CSMD3: variants seen among roughly 807,000 people sequenced by gnomAD.
The protein encoded by CSMD3 is CUB and Sushi multiple domains 3.
CSMD3 carries 177 observed loss-of-function variants against 435.2 expected under a neutral mutation model. The ratio of observed to expected loss-of-function variants is 0.41; its 90% CI spans 0.36 to 0.46. The LOEUF (loss-of-function observed/expected upper bound fraction) is 0.46, where lower values mean the gene tolerates loss of function less well. CSMD3 is among the 20% of genes least tolerant of loss of function. The pLI, the probability that CSMD3 is intolerant of heterozygous loss-of-function variation, is 0.34. For synonymous variants in CSMD3, 1,656 were observed against 1,520.5 expected (o/e 1.09, Z -2.07); for missense variants, 4,265 against 4,504.6 (o/e 0.95, Z 1.52).
chr8:112,657,568 AT>A (rs1403177765), intron 17 of CSMD3, among the ~76,000 whole-genome samples: 4 of 152,182 alleles, frequency 2.6e-5, no homozygotes, highest in Non-Finnish European at 5.9e-5. Context: ...TATAACATCT[AT>A]TTTAAAAAAA....
intron 13 of CSMD3, among the ~76,000 whole-genome samples, chr8:112,798,227 G>A (rs1487319949): frequency 6.6e-6 from 1 of 151,822 alleles, no homozygotes; most frequent in Non-Finnish European, 1.5e-5. Flanking sequence ...AAGAAGCAGA[G>A]TTGTGAAACA....
At chr8:112,788,293 C>T (rs564130349) in intron 13 of CSMD3, among the ~76,000 whole-genome samples, 1 of 152,162 alleles carries the variant, frequency 6.6e-6, no homozygotes, top group Admixed American at 6.6e-5. Context: ...ATGCCTTTTA[C>T]ACCAAATCAT....
At chr8:112,441,241 T>C (rs1480125788) in intron 32 of CSMD3, among the ~76,000 whole-genome samples, 1 of 152,076 alleles carries the variant, frequency 6.6e-6, no homozygotes, top group Non-Finnish European at 1.5e-5. Context: ...AGAGTCACCT[T>C]TGCTCCCGTT....
intron 6 of CSMD3, among the ~76,000 whole-genome samples, chr8:112,999,481 C>A (rs967514255): frequency 6.6e-6 from 1 of 151,708 alleles, no homozygotes; most frequent in African/African-American, 2.4e-5. Context: ...GTTAGTAAAC[C>A]ATGTAAGTAA....
At position 112,587,169 on chromosome 8, in the gene CSMD3, T is replaced by C; in HGVS notation, c.3782A>G (p.Tyr1261Cys). The C allele has an allele frequency of 6.2e-7, 1 of 1,610,188 alleles. No homozygotes were observed. Among genetic ancestry groups the C allele is most frequent in the Non-Finnish European group, 8.5e-7 (1 of 1,177,074 alleles). Residue 1261 changes from tyrosine to cysteine, a missense_variant, in exon 23 of 71, where the codon TAT (tyrosine) becomes TGT (cysteine). Coordinates refer to ENST00000297405, the MANE Select transcript of CSMD3 (RefSeq NM_198123.2). Reference sequence around the variant, plus strand: ...ATAAATGCATTCATGGTTGTTTTCATAGTTGAGTGGATAATTTGGAGACAG... The same window carrying C: ...ATAAATGCATTCATGGTTGTTTTCACAGTTGAGTGGATAATTTGGAGACAG... ...ILLSPNYPLN[Y>C]ENNHECIYSI...
At chr8:113,312,339 G>GA (rs1248138457) in intron 2 of CSMD3, 33 of 152,240 alleles carry the variant, frequency 2.2e-4, no homozygotes, top group African/African-American at 7.9e-4. Context: ...ATAGCACAGT[G>GA]ACAGGTGCAG....
At chr8:113,430,900 A>T (rs116701670) in intron 1 of CSMD3, among the ~76,000 whole-genome samples, 5,292 of 152,282 alleles carry the variant, frequency 0.035, 105 homozygotes, top group Middle Eastern at 0.048. Context: ...AGCACCAAAC[A>T]ACAGCTTAGC....
At chr8:113,380,254 C>A (rs2094409357) in intron 1 of CSMD3, among the ~76,000 whole-genome samples, 1 of 152,034 alleles carries the variant, frequency 6.6e-6, no homozygotes, top group African/African-American at 2.4e-5. Flanking sequence ...ACAGGTTTAT[C>A]TTATAACATT....
chr8:113,298,704 GAGAGACT>G (rs1475640082), intron 2 of CSMD3, among the ~76,000 whole-genome samples: 2 of 152,092 alleles, frequency 1.3e-5, no homozygotes, highest in Non-Finnish European at 2.9e-5. Flanking sequence ...GGAGAGCTTG[GAGAGACT>G]AGTTACATGT....
intron 22 of CSMD3, among the ~76,000 whole-genome samples, chr8:112,618,830 T>C (rs1833850914): frequency 6.6e-6 from 1 of 152,144 alleles, no homozygotes; most frequent in Non-Finnish European, 1.5e-5. Context: ...TATTCATGAT[T>C]AAGTTAACTC....
chr8:112,722,313 C>T (rs2131973767), intron 13 of CSMD3, among the ~76,000 whole-genome samples: 1 of 151,798 alleles, frequency 6.6e-6, no homozygotes, highest in Non-Finnish European at 1.5e-5. Context: ...AAGGCTATAC[C>T]AGACCTTTTT....
intron 70 of CSMD3, among the ~76,000 whole-genome samples, chr8:112,228,132 A>T (rs554230882): frequency 3.9e-5 from 6 of 152,168 alleles, no homozygotes; most frequent in Non-Finnish European, 7.4e-5. Context: ...TTTCTTGATA[A>T]GGGATTGTCC....
Position 112,685,745 on chromosome 8 carries a change from G to T in CSMD3, c.2156-13C>A, listed in dbSNP as rs747897723. 2.0e-6 allele frequency: 3 copies of T among 1,485,400 alleles called. No homozygotes were observed. The highest frequency in any genetic ancestry group is 3.3e-5 in the Admixed American group (2 of 59,814). The allele number at this position is 1,485,400 out of a possible 1,614,324, so 92.0% of individuals were successfully genotyped here. A position where few individuals can be genotyped will look rare whatever the true frequency, so the allele number is the denominator to read the frequency against. The stretch of plus-strand genomic sequence containing the variant: ...GACAGGCAGGGAACTGGTGAAACAG[G>T]AAGATTATGAAATACAATAAATATT... On this transcript the variant is annotated splice_polypyrimidine_tract_variant and intron_variant, in intron 14 of 70. Coordinates refer to ENST00000297405, the MANE Select transcript of CSMD3 (RefSeq NM_198123.2).
chr8:113,202,339 G>A (rs1381122847), intron 3 of CSMD3, among the ~76,000 whole-genome samples: 2 of 152,096 alleles, frequency 1.3e-5, no homozygotes, highest in African/African-American at 4.8e-5. Flanking sequence ...GGCAGGGCTT[G>A]CAAATTACTG....
In CSMD3 at chr8:112,639,670, T is replaced by C. The variant is rs76967682; in HGVS notation, c.3311-759A>G. Among the ~76,000 whole-genome samples, 115 of 152,242 alleles carry C rather than the reference T, an allele frequency of 7.6e-4. 1 individual carries two copies. Among genetic ancestry groups the C allele is most frequent in the Middle Eastern group, 3.4e-3 (1 of 294 alleles). ...GTATATATATTTTGTAGTTTATAGA[T>C]TGGAATCATATATACTCTTTTGGAT... On this transcript the variant is annotated intron_variant, in intron 20 of 70. Coordinates refer to ENST00000297405, the MANE Select transcript of CSMD3 (RefSeq NM_198123.2).
intron 41 of CSMD3, among the ~76,000 whole-genome samples, chr8:112,342,995 A>ATATT (rs1554647565): frequency 6.8e-5 from 2 of 29,622 alleles, no homozygotes; most frequent in African/African-American, 1.5e-4. Flanking sequence ...ATTTATATAT[A>ATATT]TATATTTATA....
intron 28 of CSMD3, 150 bp downstream of exon 28, chr8:112,516,884 A>T: frequency 1.6e-6 from 1 of 631,272 alleles, no homozygotes; most frequent in Non-Finnish European, 2.7e-6. Context: ...ATCATTTTAC[A>T]ATTTTGTACA....
intron 5 of CSMD3, among the ~76,000 whole-genome samples, chr8:113,054,125 C>T (rs943850283): frequency 1.3e-5 from 2 of 152,122 alleles, no homozygotes; most frequent in African/African-American, 4.8e-5. Flanking sequence ...CTTAAATTCT[C>T]TCTTTTTTAA....
chr8:113,406,443 T>C (rs2094533147), intron 1 of CSMD3, among the ~76,000 whole-genome samples: 1 of 151,884 alleles, frequency 6.6e-6, no homozygotes, highest in African/African-American at 2.4e-5. Flanking sequence ...CTTTGGTGCA[T>C]GTGAAAAAAG....
Sources: allele counts gnomAD v4.1 joint callset (sites outside exome capture counted in the v4.1 genomes callset), GRCh38; gene constraint gnomAD v4.1.1; transcripts MANE v1.5; gene names NCBI Gene and HGNC (gene_info 2026-07-23, HGNC 2026-07-21).